ALK: variants seen among roughly 807,000 people sequenced by gnomAD.
ALK encodes ALK receptor tyrosine kinase, also known as ALK tyrosine kinase receptor.
Under a neutral mutation model 163.1 loss-of-function variants are expected in ALK, and 74 were observed. The ratio of observed to expected loss-of-function variants is 0.45; its 90% CI spans 0.38 to 0.55. ALK has a LOEUF of 0.55. Among genes scored for constraint, ALK ranks in the 20% least tolerant of loss-of-function variants. ALK has a pLI of 0.00. For missense variants in ALK, 2,063 were observed against 2,105.3 expected (o/e 0.98, Z 0.39); for synonymous variants, 960 against 843.2 (o/e 1.14, Z -2.40).
intron 3 of ALK, among the ~76,000 whole-genome samples, chr2:29,548,675 G>A (rs1289062704): frequency 6.6e-6 from 1 of 151,964 alleles, no homozygotes; most frequent in Admixed American, 6.6e-5. Flanking sequence ...CTTGGGCCGG[G>A]GCTCACTAGT....
intron 1 of ALK, among the ~76,000 whole-genome samples, chr2:29,876,686 T>C (rs1327479875): frequency 1.4e-5 from 2 of 137,988 alleles, no homozygotes; most frequent in African/African-American, 2.8e-5. Context: ...ACGATGGTGA[T>C]ATGGTGATGG....
At chr2:29,880,237 T>C (rs1018943433) in intron 1 of ALK, among the ~76,000 whole-genome samples, 1 of 152,210 alleles carries the variant, frequency 6.6e-6, no homozygotes, top group Non-Finnish European at 1.5e-5. Context: ...CATACCTTTG[T>C]TGCCTATCAG....
intron 4 of ALK, among the ~76,000 whole-genome samples, chr2:29,515,710 TA>T (rs11367754): frequency 0.95 from 144,150 of 152,206 alleles, 68,763 homozygotes; most frequent in East Asian, 1. Context: ...TGGTGGGACT[TA>T]ACATTACTCT....
chr2:29,802,586 A>G (rs372287314), intron 1 of ALK, among the ~76,000 whole-genome samples: 43 of 9,772 alleles, frequency 4.4e-3, no homozygotes, highest in Non-Finnish European at 6.4e-3. Context: ...GGGGAGGGGA[A>G]GAGAGGGGAG....
chr2:29,863,336 C>T (rs146810901), intron 1 of ALK, among the ~76,000 whole-genome samples: 48 of 152,220 alleles, frequency 3.2e-4, no homozygotes, highest in Non-Finnish European at 5.9e-4. Flanking sequence ...GAAGAGACAG[C>T]CTGTGGATTG....
At chr2:29,210,471 T>C (rs779660675) in intron 24 of ALK, among the ~76,000 whole-genome samples, 8 of 152,168 alleles carry the variant, frequency 5.3e-5, no homozygotes, top group Admixed American at 3.9e-4. Flanking sequence ...CTTGCTCTGT[T>C]ACCCAGGCTG....
chr2:29,630,587 T>A (rs1215424846), intron 3 of ALK, among the ~76,000 whole-genome samples: 1 of 152,122 alleles, frequency 6.6e-6, no homozygotes, highest in Non-Finnish European at 1.5e-5. Flanking sequence ...GTATTTATAA[T>A]TTTAATATAA....
At chr2:29,651,919 AT>A (rs1342873177) in intron 3 of ALK, among the ~76,000 whole-genome samples, 2 of 152,190 alleles carry the variant, frequency 1.3e-5, no homozygotes, top group African/African-American at 2.4e-5. Context: ...AGAAGTGTGC[AT>A]GTATGCAAGG....
At chr2:29,884,549 G>GATTGAA (rs1553375397) in intron 1 of ALK, among the ~76,000 whole-genome samples, 1 of 152,160 alleles carries the variant, frequency 6.6e-6, no homozygotes, top group Non-Finnish European at 1.5e-5. Context: ...TTTTATGTCA[G>GATTGAA]ATTGAAAATA....
chr2:29,280,888 AG>A (rs1357864674), intron 9 of ALK, among the ~76,000 whole-genome samples: 7 of 150,756 alleles, frequency 4.6e-5, no homozygotes, highest in African/African-American at 1.7e-4. Flanking sequence ...TCTGGGACTG[AG>A]GGGAGGTTGT....
At chr2:29,769,842 A>C (rs141221327) in intron 1 of ALK, among the ~76,000 whole-genome samples, 2,114 of 152,334 alleles carry the variant, frequency 0.014, 44 homozygotes, top group African/African-American at 0.048. Context: ...CAGCAAATGG[A>C]TGACTAGACT....
At chr2:29,777,656 G>T (rs1047873845) in intron 1 of ALK, among the ~76,000 whole-genome samples, 1 of 152,178 alleles carries the variant, frequency 6.6e-6, no homozygotes, top group African/African-American at 2.4e-5. Flanking sequence ...CAGACTGACT[G>T]GCTGTTTACT....
At position 29,193,200 on chromosome 2, in the gene ALK, A is replaced by G; in HGVS notation, c.*24T>C. The stretch of plus-strand genomic sequence containing the variant: ...TCCACGGTCTTAGGGATCCCAAGGA[A>G]GAGAAGTGAGTGTGCGACCGAGCTC... On this transcript the variant is annotated 3_prime_UTR_variant, in exon 29 of 29. Coordinates refer to ENST00000389048, the MANE Select transcript of ALK (RefSeq NM_004304.5). 1 of 1,607,714 alleles carries G rather than the reference A, an allele frequency of 6.2e-7. No individual in the cohort carries two copies. The highest frequency in any genetic ancestry group is 8.5e-7 in the Non-Finnish European group (1 of 1,174,908).
At chr2:29,849,243 T>C (rs1665933026) in intron 1 of ALK, among the ~76,000 whole-genome samples, 1 of 152,220 alleles carries the variant, frequency 6.6e-6, no homozygotes, top group Non-Finnish European at 1.5e-5. Context: ...CTATGCTCAC[T>C]TGGCAGTATT....
chr2:29,275,802 C>G (rs1193730261), intron 9 of ALK, among the ~76,000 whole-genome samples: 2 of 152,082 alleles, frequency 1.3e-5, no homozygotes, highest in African/African-American at 4.8e-5. Flanking sequence ...CTTTTGCTTT[C>G]TGGGTGTGCA....
intron 1 of ALK, among the ~76,000 whole-genome samples, chr2:29,733,829 G>A (rs1679815016): frequency 6.6e-6 from 1 of 152,120 alleles, no homozygotes; most frequent in Admixed American, 6.6e-5. Context: ...CAGGTTTTCA[G>A]GGCTGTGCAG....
intron 5 of ALK, among the ~76,000 whole-genome samples, chr2:29,368,729 C>G (rs79570446): frequency 0.071 from 10,860 of 152,230 alleles, 499 homozygotes; most frequent in Non-Finnish European, 0.11. Flanking sequence ...CCCTTTCTCT[C>G]TCTTTTCTTC....
intron 4 of ALK, among the ~76,000 whole-genome samples, chr2:29,529,854 C>T (rs150724458): frequency 0.011 from 1,643 of 152,290 alleles, 33 homozygotes; most frequent in African/African-American, 0.037. Context: ...ATTCCTCTCT[C>T]CTGCTCAACT....
At chr2:29,376,868 C>G (rs1379092558) in intron 5 of ALK, among the ~76,000 whole-genome samples, 1 of 152,202 alleles carries the variant, frequency 6.6e-6, no homozygotes, top group African/African-American at 2.4e-5. Flanking sequence ...CTCTTGTCCC[C>G]TTTCAGGCTA....
Sources: gnomAD v4.1 joint callset for allele counts (sites outside exome capture counted in the v4.1 genomes callset) on GRCh38, gnomAD v4.1.1 for gene constraint, MANE v1.5 for transcripts, NCBI Gene and HGNC (gene_info 2026-07-23, HGNC 2026-07-21) for gene names.